The following NDRG2 variants were observed in gnomAD, a reference collection of about 807,000 sequenced individuals.
NDRG2 encodes the protein protein NDRG2.
A neutral mutation model predicts 58.2 loss-of-function variants in NDRG2; 34 were observed. That is an observed-to-expected ratio of 0.58 (90% CI 0.44 to 0.78). The LOEUF is 0.78. Ranked by LOEUF, NDRG2 falls within the 30% of genes least tolerant of loss-of-function variation. NDRG2 has a pLI of 0.00. For missense variants in NDRG2, 434 were observed against 471.2 expected (o/e 0.92, Z 0.73); for synonymous variants, 187 against 175.9 (o/e 1.06, Z -0.50).
chr14:21,044,479 G>T (rs1053673861), intron 1 of NDRG2, among the ~76,000 whole-genome samples: 1 of 152,150 alleles, frequency 6.6e-6, no homozygotes, highest in South Asian at 2.1e-4. Context: ...CAAACAGGCT[G>T]GTGGGAGCTG....
At chr14:21,055,621 GC>G (rs1226402444) in intron 1 of NDRG2, among the ~76,000 whole-genome samples, 1 of 152,206 alleles carries the variant, frequency 6.6e-6, no homozygotes. Context: ...TTCAGGGAAA[GC>G]ATGTTTGCAA....
At chr14:21,035,135 G>T (rs1884535278) in intron 1 of NDRG2, among the ~76,000 whole-genome samples, 1 of 152,166 alleles carries the variant, frequency 6.6e-6, no homozygotes, top group South Asian at 2.1e-4. Context: ...CCACCAAAGT[G>T]CTGGGCTGAG....
chr14:21,037,216 G>C (rs530578073), intron 1 of NDRG2, among the ~76,000 whole-genome samples: 63 of 152,344 alleles, frequency 4.1e-4, no homozygotes, highest in South Asian at 1.7e-3. Context: ...ATTTAATGAT[G>C]ATGAGCCTTC....
intron 1 of NDRG2, among the ~76,000 whole-genome samples, chr14:21,066,036 T>A (rs536098967): frequency 6.6e-6 from 1 of 152,204 alleles, no homozygotes; most frequent in African/African-American, 2.4e-5. Context: ...GAGGTACAGG[T>A]TGCAGTGAGT....
intron 1 of NDRG2, chr14:21,032,953 A>G: frequency 2.2e-6 from 1 of 456,098 alleles, no homozygotes; most frequent in Non-Finnish European, 4.4e-6. Context: ...ATGTGGTTTT[A>G]GAAATTTATG....
intron 1 of NDRG2, chr14:21,033,366 G>C: frequency 7.3e-6 from 2 of 274,584 alleles, no homozygotes; most frequent in South Asian, 7.7e-5. Flanking sequence ...TGAGTAGGTG[G>C]GTGAGTGGAG....
chr14:21,058,729 T>C (rs1320227377), intron 1 of NDRG2, among the ~76,000 whole-genome samples: 8 of 152,164 alleles, frequency 5.3e-5, no homozygotes, highest in African/African-American at 1.7e-4. Context: ...GGCTGGACAG[T>C]CCAGGGAGAT....
upstream of NDRG2, among the ~76,000 whole-genome samples, chr14:21,027,094 C>A (rs767002364): frequency 6.6e-6 from 1 of 152,144 alleles, no homozygotes; most frequent in Admixed American, 6.5e-5. Flanking sequence ...TACGCAGGGG[C>A]GCAGGGCAGG....
intron 10 of NDRG2, 146 bp from the exon 11 acceptor site, chr14:21,019,306 G>A: frequency 1.3e-6 from 1 of 774,920 alleles, no homozygotes; most frequent in Non-Finnish European, 2.1e-6. Flanking sequence ...AGGAGAAAGG[G>A]GCAGGCAGGC....
chr14:21,065,459 A>C (rs762386378), intron 1 of NDRG2, among the ~76,000 whole-genome samples: 4 of 152,218 alleles, frequency 2.6e-5, no homozygotes, highest in Non-Finnish European at 5.9e-5. Context: ...GCAGTGACAA[A>C]ATAGACAAGG....
At chr14:21,050,125 T>C (rs184620926) in intron 1 of NDRG2, among the ~76,000 whole-genome samples, 269 of 152,294 alleles carry the variant, frequency 1.8e-3, no homozygotes, top group Admixed American at 4.6e-3. Flanking sequence ...AATCTGCAAA[T>C]GGGCAGACCC....
At chr14:21,022,275 A>G (rs1432470603) in intron 4 of NDRG2, 93 bp from the exon 5 acceptor site, 1 of 1,597,238 alleles carries the variant, frequency 6.3e-7, no homozygotes, top group East Asian at 2.2e-5. Context: ...CCACAGTCAG[A>G]CCAGGAGAGA....
chr14:21,067,761 T>TAC (rs3061993), intron 1 of NDRG2, among the ~76,000 whole-genome samples: 65,301 of 149,730 alleles, frequency 0.44, 14,375 homozygotes, highest in East Asian at 0.55. Flanking sequence ...TGTACACACG[T>TAC]ACACACACAC....
upstream of NDRG2, chr14:21,025,768 G>A (rs1281776097): frequency 1.1e-6 from 1 of 893,276 alleles, no homozygotes; most frequent in African/African-American, 1.8e-5. This position sits in a 1 kb window ranked among gnomAD's most constrained non-coding sequence, Gnocchi z 5.1. Flanking sequence ...CGGGGAATGC[G>A]GGGGGCCGCT....
rs997338918 is a variant in NDRG2, at chr14:21,017,132, G to A, written c.*464C>T. On this transcript the variant is annotated 3_prime_UTR_variant, in exon 16 of 16. Transcript: ENST00000556147. Reference sequence around the variant, plus strand: ...AAGTCTCCCCCTGACACACATTCACGTAGGTCCATACCCTTCAGAGTCCTA... The same window carrying A: ...AAGTCTCCCCCTGACACACATTCACATAGGTCCATACCCTTCAGAGTCCTA... 22 of 412,920 alleles carry A rather than the reference G, an allele frequency of 5.3e-5. No individual in the cohort carries two copies. The highest frequency in any genetic ancestry group is 2.9e-4 in the Admixed American group (12 of 40,846). 25.6% of individuals were successfully genotyped at this position (412,920 alleles called of 1,614,324 possible).
Position 21,017,743 on chromosome 14 carries a change from A to G in NDRG2, c.969T>C (p.Thr323=), listed in dbSNP as rs1215968546. Residue 323 remains threonine, a synonymous_variant, in exon 16 of 16, where the codon ACT becomes ACC. Coordinates refer to ENST00000556147, the MANE Select transcript of NDRG2 (RefSeq NM_001320329.2). ...GMGYMASSCM[T]RLSRSRTASL... is the part of the protein sequence containing the mutation. Reference sequence around the variant, plus strand: ...AGGCTGTACGAGACCGGGACAGGCGAGTCATGCAGGATGAGGCCACTGTGG... The same window carrying G: ...AGGCTGTACGAGACCGGGACAGGCGGGTCATGCAGGATGAGGCCACTGTGG... 3.1e-6 allele frequency: 5 copies of G among 1,601,312 alleles called. No individual in the cohort carries two copies. The Admixed American group carries it at 8.7e-5, about 28-fold the overall frequency.
At chr14:21,018,551 C>T (rs776939130) in intron 12 of NDRG2, 47 bp from the exon 13 acceptor site, 41 of 1,603,766 alleles carry the variant, frequency 2.6e-5, no homozygotes, top group South Asian at 1.2e-4. Flanking sequence ...CCCACTGTGG[C>T]GCCTCCCCCG....
At chr14:21,049,021 G>A (rs912521960) in intron 1 of NDRG2, among the ~76,000 whole-genome samples, 2 of 152,222 alleles carry the variant, frequency 1.3e-5, no homozygotes, top group Non-Finnish European at 2.9e-5. Flanking sequence ...CTTAAGGGAA[G>A]TTTTTCTCCT....
At chr14:21,043,694 C>G (rs1473517538) in intron 1 of NDRG2, 1 of 512,452 alleles carries the variant, frequency 2.0e-6, no homozygotes, top group Middle Eastern at 5.2e-4. Flanking sequence ...ACAGCAAGCT[C>G]AGGTCTGTGG....
Sources: allele counts gnomAD v4.1 joint callset (sites outside exome capture counted in the v4.1 genomes callset), GRCh38; gene constraint gnomAD v4.1.1; non-coding constraint Gnocchi (gnomAD v3.1); transcripts MANE v1.5; gene names NCBI Gene and HGNC (gene_info 2026-07-23, HGNC 2026-07-21).